SLC27A2: variants seen among roughly 807,000 people sequenced by gnomAD.
SLC27A2 encodes the protein solute carrier family 27 member 2, also known as long-chain fatty acid transport protein 2.
Under a neutral mutation model 60.0 loss-of-function variants are expected in SLC27A2, and 54 were observed. The observed-to-expected ratio is 0.90, with a 90% CI of 0.72 to 1.13. SLC27A2 has a LOEUF of 1.13. SLC27A2 is among the 50% of genes most tolerant of loss of function. SLC27A2 has a pLI of 0.00. For missense variants in SLC27A2, 739 were observed against 777.6 expected (o/e 0.95, Z 0.59); for synonymous variants, 297 against 297.6 (o/e 1.00, Z 0.02).
At position 50,186,244 on chromosome 15, in the gene SLC27A2, A is replaced by T. The variant is rs370565301; in HGVS notation, c.478+3339A>T. Among the ~76,000 whole-genome samples the T allele has an allele frequency of 2.0e-5, 3 of 152,074 alleles. No homozygotes were observed. The East Asian group carries it at 5.8e-4, about 29-fold the overall frequency. On this transcript the variant is annotated intron_variant, in intron 1 of 9. Coordinates refer to ENST00000267842, the MANE Select transcript of SLC27A2 (RefSeq NM_003645.4). ...GGGTGATAGAGTGAGACCCTGTCTCAAAACAAAAAAATAAAATTTCTGAGA... is the reference window on the plus strand; with the variant it reads ...GGGTGATAGAGTGAGACCCTGTCTCTAAACAAAAAAATAAAATTTCTGAGA...
chr15:50,208,721 T>C (rs2045132451), intron 4 of SLC27A2, among the ~76,000 whole-genome samples: 1 of 152,216 alleles, frequency 6.6e-6, no homozygotes, highest in Non-Finnish European at 1.5e-5. Flanking sequence ...GAGTAGGGGA[T>C]GGGATAGCAA....
chr15:50,187,231 A>G (rs1350795666), intron 1 of SLC27A2, among the ~76,000 whole-genome samples: 2 of 152,234 alleles, frequency 1.3e-5, no homozygotes, highest in Non-Finnish European at 2.9e-5. Context: ...TGTACATTTC[A>G]GGATCGTTCT....
intron 2 of SLC27A2, chr15:50,198,186 G>C (rs1018845777): frequency 1.3e-5 from 2 of 152,592 alleles, no homozygotes; most frequent in African/African-American, 4.9e-5. Context: ...CTGTGGATGT[G>C]GGGTGGCTGT....
chr15:50,192,059 C>CA (rs553255229), intron 1 of SLC27A2, among the ~76,000 whole-genome samples: 5,145 of 103,012 alleles, frequency 0.05, 124 homozygotes, highest in African/African-American at 0.092. Context: ...GACTCCATCT[C>CA]AAAAAAAAAA....
intron 1 of SLC27A2, among the ~76,000 whole-genome samples, chr15:50,193,567 G>C (rs978811758): frequency 6.6e-6 from 1 of 152,222 alleles, no homozygotes; most frequent in African/African-American, 2.4e-5. Context: ...AGTAGGAGTT[G>C]TTGTTTTAAA....
At chr15:50,231,514 A>T (rs1359904283) in intron 8 of SLC27A2, among the ~76,000 whole-genome samples, 2 of 152,084 alleles carry the variant, frequency 1.3e-5, no homozygotes, top group African/African-American at 2.4e-5. Context: ...TCACAATTTA[A>T]AAAAAAACAC....
At chr15:50,198,743 T>G (rs2045043101) in intron 2 of SLC27A2, among the ~76,000 whole-genome samples, 1 of 152,180 alleles carries the variant, frequency 6.6e-6, no homozygotes, top group South Asian at 2.1e-4. Context: ...CTCTGTTGAT[T>G]AAAATTTTAA....
chr15:50,218,670 G>A (rs1595689860), intron 4 of SLC27A2, among the ~76,000 whole-genome samples: 2 of 151,942 alleles, frequency 1.3e-5, no homozygotes, highest in African/African-American at 2.4e-5. Context: ...ACAATATTCA[G>A]ATATTCCAAG....
intron 1 of SLC27A2, among the ~76,000 whole-genome samples, chr15:50,185,210 G>A (rs1051310150): frequency 6.6e-6 from 1 of 152,102 alleles, no homozygotes; most frequent in Non-Finnish European, 1.5e-5. Flanking sequence ...TTCCCACCCA[G>A]CTAACAGTTG....
At chr15:50,217,766 ACAGAAGAGGC>A (rs540799374) in intron 4 of SLC27A2, among the ~76,000 whole-genome samples, 159 of 152,220 alleles carry the variant, frequency 1.0e-3, no homozygotes, top group African/African-American at 3.6e-3. Flanking sequence ...AACTCAAAAA[ACAGAAGAGGC>A]CAGGCACGGT....
chr15:50,194,543 A>C (rs1276972980), intron 1 of SLC27A2, among the ~76,000 whole-genome samples: 2 of 152,218 alleles, frequency 1.3e-5, no homozygotes, highest in Non-Finnish European at 2.9e-5. Flanking sequence ...AGGAATGAAC[A>C]GCCCTGAAGG....
At chr15:50,219,291 C>T (rs1188967956) in intron 4 of SLC27A2, among the ~76,000 whole-genome samples, 1 of 152,080 alleles carries the variant, frequency 6.6e-6, no homozygotes, top group Non-Finnish European at 1.5e-5. Flanking sequence ...AACTGTCTGC[C>T]TCTGGGTGGT....
chr15:50,184,848 T>C (rs1272229829), intron 1 of SLC27A2, among the ~76,000 whole-genome samples: 1 of 151,606 alleles, frequency 6.6e-6, no homozygotes, highest in Non-Finnish European at 1.5e-5. Flanking sequence ...AAAAACAGAA[T>C]AAAAAAAAGA....
At chr15:50,210,123 G>A (rs1407226118) in intron 4 of SLC27A2, among the ~76,000 whole-genome samples, 2 of 152,144 alleles carry the variant, frequency 1.3e-5, no homozygotes, top group Non-Finnish European at 2.9e-5. Context: ...AGTAAAATAC[G>A]GAGGACAGGA....
Position 50,182,720 on chromosome 15 carries a change from A to G in SLC27A2, c.293A>G (p.His98Arg). ...SNQVARALHD[H>R]LGLRQGDCVA... Reference sequence around the variant, plus strand: ...CAAGTGGCCCGGGCGCTGCACGACCACCTCGGCCTGCGCCAGGGAGACTGC... The same window carrying G: ...CAAGTGGCCCGGGCGCTGCACGACCGCCTCGGCCTGCGCCAGGGAGACTGC... Residue 98 changes from histidine to arginine, a missense_variant, in exon 1 of 10, where the codon CAC becomes CGC. Physicochemically the swap from His to Arg is conservative, Grantham distance 29. Transcript: ENST00000267842. 1 of 1,613,822 alleles carries G rather than the reference A, an allele frequency of 6.2e-7. No homozygotes were observed. The highest frequency in any genetic ancestry group is 2.2e-5 in the East Asian group (1 of 44,872).
intron 1 of SLC27A2, among the ~76,000 whole-genome samples, chr15:50,184,141 C>T (rs906212331): frequency 2.6e-5 from 4 of 151,828 alleles, no homozygotes; most frequent in African/African-American, 9.7e-5. Context: ...CAGGCATGCA[C>T]CACCATGCCC....
At chr15:50,183,078 T>A (rs1303520038) in intron 1 of SLC27A2, among the ~76,000 whole-genome samples, 173 bp downstream of exon 1, 1 of 152,218 alleles carries the variant, frequency 6.6e-6, no homozygotes, top group African/African-American at 2.4e-5. Flanking sequence ...TAGGACCACC[T>A]GTTGTGGAAG....
intron 4 of SLC27A2, among the ~76,000 whole-genome samples, chr15:50,221,422 A>G (rs1473300188): frequency 1.3e-5 from 2 of 151,760 alleles, no homozygotes; most frequent in African/African-American, 2.4e-5. Flanking sequence ...TCTGGGTGGG[A>G]CTCCTCAAAA....
Position 50,207,388 on chromosome 15 carries a change from C to T in SLC27A2, c.972+2025C>T, listed in dbSNP as rs1032038627. 4.6e-5 allele frequency among the ~76,000 whole-genome samples: 7 copies of T among 152,150 alleles called. No individual in the cohort carries two copies. The South Asian group carries it at 1.5e-3, about 32-fold the overall frequency. On this transcript the variant is annotated intron_variant, in intron 4 of 9. Coordinates refer to ENST00000267842, the MANE Select transcript of SLC27A2 (RefSeq NM_003645.4). ...GAATGACCCCTGGACTTCCTATTTG[C>T]CAGTGCTTCCCCACCCCTGAGTTCT...
Sources: allele counts gnomAD v4.1 joint callset (sites outside exome capture counted in the v4.1 genomes callset), GRCh38; gene constraint gnomAD v4.1.1; transcripts MANE v1.5; gene names NCBI Gene and HGNC (gene_info 2026-07-23, HGNC 2026-07-21).